RAPGEFL1: variants seen among roughly 807,000 people sequenced by gnomAD.
The protein encoded by RAPGEFL1 is Rap guanine nucleotide exchange factor like 1.
In RAPGEFL1, 31 loss-of-function variants were observed where a neutral mutation model predicts 64.4. That is an observed-to-expected ratio of 0.48 (90% CI 0.36 to 0.65). The LOEUF (loss-of-function observed/expected upper bound fraction) is 0.65. Ranked by LOEUF, RAPGEFL1 falls within the 30% of genes least tolerant of loss-of-function variation. The pLI, the probability that RAPGEFL1 is intolerant of heterozygous loss-of-function variation, is 0.00. For synonymous variants in RAPGEFL1, 331 were observed against 274.1 expected, an observed-to-expected ratio of 1.21 and a Z score of -2.05; for missense variants, 682 against 677.4, an observed-to-expected ratio of 1.01 and a Z score of -0.08.
intron 8 of RAPGEFL1, 95 bp downstream of exon 8, chr17:40,190,857 TCACTTGCAG>T: frequency 6.5e-7 from 1 of 1,542,102 alleles, no homozygotes; most frequent in South Asian, 1.2e-5. Context: ...GTTCCAAGGC[TCACTTGCAG>T]CAAGCCCTTG....
intron 8 of RAPGEFL1, 156 bp downstream of exon 8, chr17:40,190,918 A>C: frequency 8.1e-7 from 1 of 1,231,470 alleles, no homozygotes; most frequent in Non-Finnish European, 1.1e-6. Context: ...ATCTGAAAAA[A>C]ATCGCAAAGA....
upstream of RAPGEFL1, chr17:40,177,028 G>C (rs1989729084): frequency 2.9e-6 from 2 of 701,354 alleles, no homozygotes; most frequent in East Asian, 2.7e-5. Flanking sequence ...CTACCAGAGA[G>C]GACAGATGGG....
At chr17:40,182,512 C>A (rs1241754700) in intron 2 of RAPGEFL1, among the ~76,000 whole-genome samples, 1 of 152,204 alleles carries the variant, frequency 6.6e-6, no homozygotes, top group East Asian at 1.9e-4. Context: ...CGGAGTTTCA[C>A]CATGTTGCCC....
chr17:40,191,736 C>A lies in RAPGEFL1; in HGVS notation c.1605+64C>A. 2 of 1,508,576 alleles carry A rather than the reference C, an allele frequency of 1.3e-6. No individual in the cohort carries two copies. Among genetic ancestry groups the A allele is most frequent in the East Asian group, 2.4e-5 (1 of 42,210 alleles). 93.4% of individuals were successfully genotyped at this position (1,508,576 alleles called of 1,614,324 possible). On this transcript the variant is annotated intron_variant, in intron 10 of 14. Transcript: ENST00000620260. The surrounding 1 kb of genome is among the most constrained non-coding windows in gnomAD (Gnocchi z 5.1). The stretch of plus-strand genomic sequence containing the variant: ...CATCCCGGGCTCCCCGAAGTGCGTC[C>A]TCCCGGGACGGCCGCCGGCCTGGAG...
rs368695903 is a variant in RAPGEFL1, at chr17:40,188,875, G to A, written c.843G>A (p.Glu281=). ...GCTGTGTCCATGCCAGGATTCCAGAGGAGAACCAGCCACCCAGCAAGCAGG... is the reference window on the plus strand; with the variant it reads ...GCTGTGTCCATGCCAGGATTCCAGAAGAGAACCAGCCACCCAGCAAGCAGG... ...LVETVELKIP[E]ENQPPSKQVK... The change falls in exon 5 of 15, where the codon GAG becomes GAA. Residue 281 remains glutamate (E), a synonymous_variant. Coordinates refer to ENST00000620260, the MANE Select transcript of RAPGEFL1 (RefSeq NM_016339.6). The A allele has an allele frequency of 2.5e-6, 4 of 1,613,950 alleles. No homozygotes were observed. The African/African-American group carries it at 5.3e-5, about 22-fold the overall frequency.
In RAPGEFL1 at chr17:40,194,013, C is replaced by G. The variant is rs1042173905; in HGVS notation, c.*225C>G. On this transcript the variant is annotated 3_prime_UTR_variant, in exon 15 of 15. Coordinates refer to ENST00000620260, the MANE Select transcript of RAPGEFL1 (RefSeq NM_016339.6). ...AAACTACACTTTGCTGGTTCCTGTC[C>G]CCTCTGAGAAAGGGGATAGAAAGCT... 3 of 528,206 alleles carry G rather than the reference C, an allele frequency of 5.7e-6. No homozygotes were observed. Among genetic ancestry groups the G allele is most frequent in the East Asian group, 3.5e-5 (1 of 28,732 alleles). The allele number at this position is 528,206 out of a possible 1,614,324, so 32.7% of individuals were successfully genotyped here.
chr17:40,183,518 CTT>C (rs760848897), intron 2 of RAPGEFL1, among the ~76,000 whole-genome samples: 23 of 130,132 alleles, frequency 1.8e-4, no homozygotes, highest in Middle Eastern at 4.0e-3. Flanking sequence ...CTTTTCTTTT[CTT>C]TTTTTTTTTT....
chr17:40,193,259 G>A, intron 13 of RAPGEFL1, 104 bp from the exon 14 acceptor site: 1 of 1,281,228 alleles, frequency 7.8e-7, no homozygotes, highest in Non-Finnish European at 1.1e-6. Context: ...CAGAATTGGA[G>A]ACTGGAGGGA....
intron 3 of RAPGEFL1, 38 bp from the exon 4 acceptor site, chr17:40,184,543 G>A (rs1990000695): frequency 7.4e-7 from 1 of 1,344,678 alleles, no homozygotes; most frequent in African/African-American, 1.5e-5. Context: ...CTTGGAATGA[G>A]ACCCCTTCCT....
chr17:40,184,281 C>A lies in RAPGEFL1; in HGVS notation c.667C>A (p.Leu223Ile), dbSNP rs981641489. ...CCGGAAGCAAGCCTGTCTAGCCATG[C>A]TTCTCCATTTCTTGGACACCTACCA... ...LGRKQACLAM[L>I]LHFLDTYQGL... The change falls in exon 3 of 15, where the codon CTT becomes ATT. Residue 223 changes from leucine (L) to isoleucine (I), a missense_variant. By Grantham distance (5) the Leu-to-Ile change is conservative. Coordinates refer to ENST00000620260, the MANE Select transcript of RAPGEFL1 (RefSeq NM_016339.6). 1.2e-6 allele frequency: 2 copies of A among 1,613,800 alleles called. No homozygotes were observed. Among genetic ancestry groups the A allele is most frequent in the Non-Finnish European group, 1.7e-6 (2 of 1,179,964 alleles).
At chr17:40,192,474 C>G (rs1246842777) in intron 11 of RAPGEFL1, 132 bp from the exon 12 acceptor site, 1 of 939,204 alleles carries the variant, frequency 1.1e-6, no homozygotes, top group East Asian at 2.4e-5. Context: ...CCCCACCACA[C>G]CATTAGAAAG....
At chr17:40,179,085 T>C (rs1989815732) in intron 1 of RAPGEFL1, among the ~76,000 whole-genome samples, 1 of 151,608 alleles carries the variant, frequency 6.6e-6, no homozygotes. Context: ...TTTTTTCTTT[T>C]GGAGATGTAG....
intron 4 of RAPGEFL1, among the ~76,000 whole-genome samples, chr17:40,186,002 CT>C (rs1029746014): frequency 5.5e-4 from 82 of 150,216 alleles, no homozygotes; most frequent in African/African-American, 2.0e-3. Flanking sequence ...TGGCTCACGC[CT>C]GTAATCCCAG....
chr17:40,190,480 G>A lies in RAPGEFL1; in HGVS notation c.1161G>A (p.Leu387=), dbSNP rs756536337. 6 of 1,614,146 alleles carry A rather than the reference G, an allele frequency of 3.7e-6. No individual in the cohort carries two copies. In the Admixed American group the frequency reaches 8.3e-5, roughly 22 times the overall value. Reference sequence around the variant, plus strand: ...CTGAGGACTGTGTTTTCACCGCACTGGGCATCAACAGCCACCTGTTTGCCT... The same window carrying A: ...CTGAGGACTGTGTTTTCACCGCACTAGGCATCAACAGCCACCTGTTTGCCT... ...QPTEDCVFTA[L]GINSHLFACT... Residue 387 remains leucine (L), a synonymous_variant, in exon 7 of 15, where the codon CTG becomes CTA. Transcript: ENST00000620260.
chr17:40,188,579 T>C (rs1259898683), intron 4 of RAPGEFL1: 5 of 431,064 alleles, frequency 1.2e-5, no homozygotes, highest in African/African-American at 4.0e-5. Context: ...GAGGTGAACA[T>C]AAACATTATC....
chr17:40,184,371 G>A, intron 3 of RAPGEFL1, 22 bp downstream of exon 3: 4 of 1,593,238 alleles, frequency 2.5e-6, no homozygotes, highest in Non-Finnish European at 3.4e-6. Flanking sequence ...GGAAGAGAAG[G>A]TGGGTAAACA....
At chr17:40,184,402 G>C in intron 3 of RAPGEFL1, 53 bp downstream of exon 3, 1 of 1,510,974 alleles carries the variant, frequency 6.6e-7, no homozygotes, top group Non-Finnish European at 9.0e-7. Context: ...TCTGGAAGGG[G>C]GCCCCTGTGA....
chr17:40,185,139 G>T (rs976833654), intron 4 of RAPGEFL1, among the ~76,000 whole-genome samples: 1 of 152,150 alleles, frequency 6.6e-6, no homozygotes, highest in African/African-American at 2.4e-5. Context: ...ACTGTCTCCA[G>T]TCACTTTTTT....
Position 40,191,264 on chromosome 17 carries a change from A to C in RAPGEFL1, c.1336-52A>C, listed in dbSNP as rs1598445638. On this transcript the variant is annotated intron_variant, in intron 8 of 14. Coordinates refer to ENST00000620260, the MANE Select transcript of RAPGEFL1 (RefSeq NM_016339.6). This position sits in a 1 kb window ranked among gnomAD's most constrained non-coding sequence, Gnocchi z 5.1. ...GCCTTGCACTGCCATCTTCCCACCC[A>C]CTCCCCTCACCCCCTGGCGCCCTGG... 1.2e-5 allele frequency: 18 copies of C among 1,449,606 alleles called. No homozygotes were observed. The highest frequency in any genetic ancestry group is 2.4e-4 in the Middle Eastern group (1 of 4,104). The allele number at this position is 1,449,606 out of a possible 1,614,324, so 89.8% of individuals were successfully genotyped here.
Sources: allele counts gnomAD v4.1 joint callset (sites outside exome capture counted in the v4.1 genomes callset), GRCh38; gene constraint gnomAD v4.1.1; non-coding constraint Gnocchi (gnomAD v3.1); transcripts MANE v1.5; gene names NCBI Gene and HGNC (gene_info 2026-07-23, HGNC 2026-07-21).